SCLT1: variants seen among roughly 807,000 people sequenced by gnomAD.
The protein encoded by SCLT1 is sodium channel and clathrin linker 1.
In SCLT1, 78 loss-of-function variants were observed where a neutral mutation model predicts 112.8. The observed-to-expected ratio is 0.69, with a 90% confidence interval of 0.58 to 0.83. SCLT1 has a LOEUF of 0.83. Among genes scored for constraint, SCLT1 ranks in the 40% least tolerant of loss-of-function variants. SCLT1 has a pLI of 0.00. For synonymous variants in SCLT1, 257 were observed against 254.7 expected (o/e 1.01, Z -0.09); for missense variants, 747 against 770.4 (o/e 0.97, Z 0.36).
chr4:128,992,365 G>A (rs946057190), intron 8 of SCLT1, 128 bp from the exon 9 acceptor site: 9 of 576,292 alleles, frequency 1.6e-5, no homozygotes, highest in Non-Finnish European at 2.3e-5. Flanking sequence ...ATTTTTTGAG[G>A]GTAAAACATA....
chr4:129,063,942 G>A (rs190307903), intron 2 of SCLT1, among the ~76,000 whole-genome samples: 84 of 152,278 alleles, frequency 5.5e-4, no homozygotes, highest in African/African-American at 1.9e-3. Context: ...TCTTGGAACC[G>A]AGCTGTGCCA....
At chr4:128,897,462 C>A (rs534363127) in intron 18 of SCLT1, among the ~76,000 whole-genome samples, 86 of 140,748 alleles carry the variant, frequency 6.1e-4, no homozygotes, top group Non-Finnish European at 1.0e-3. Flanking sequence ...CCTTTACAGA[C>A]AAGCAAATGC....
At chr4:129,001,258 T>C (rs1743456251) in intron 6 of SCLT1, among the ~76,000 whole-genome samples, 1 of 145,396 alleles carries the variant, frequency 6.9e-6, no homozygotes, top group Non-Finnish European at 1.5e-5. Context: ...ATCAGCATCA[T>C]CAGCAACACC....
chr4:128,950,161 A>C (rs1211204226), intron 14 of SCLT1, among the ~76,000 whole-genome samples: 1 of 152,160 alleles, frequency 6.6e-6, no homozygotes, highest in Non-Finnish European at 1.5e-5. Context: ...AGGAGAGGGT[A>C]GTTTCAGTGC....
In SCLT1 at chr4:128,943,133, A is replaced by G. The variant is rs750172070; in HGVS notation, c.1495T>C (p.Leu499=). 3.1e-6 allele frequency: 5 copies of G among 1,612,172 alleles called. No individual in the cohort carries two copies. Among genetic ancestry groups the G allele is most frequent in the South Asian group, 2.2e-5 (2 of 90,788 alleles). Residue 499 remains leucine (L), a synonymous_variant, in exon 17 of 21, where the codon TTG becomes CTG. Transcript: ENST00000281142. ...QEMIQKLQNV[L]ESERENCGLV... ...CCACAGTTCTCTCTCTCAGACTCCA[A>G]TACATTTTGAAGTTTCTGAATCATT...
At chr4:128,982,095 A>T (rs1171392341) in intron 9 of SCLT1, among the ~76,000 whole-genome samples, 1 of 152,210 alleles carries the variant, frequency 6.6e-6, no homozygotes, top group Admixed American at 6.5e-5. Flanking sequence ...GATGTCTCCT[A>T]GTTTTCTGAA....
intron 18 of SCLT1, among the ~76,000 whole-genome samples, chr4:128,902,345 C>T (rs1430844340): frequency 6.6e-6 from 1 of 152,148 alleles, no homozygotes; most frequent in Non-Finnish European, 1.5e-5. Flanking sequence ...TGTATGAACA[C>T]CACAGAGTTT....
At chr4:128,924,412 G>T (rs1736133304) in intron 18 of SCLT1, among the ~76,000 whole-genome samples, 3 of 151,990 alleles carry the variant, frequency 2.0e-5, no homozygotes, top group Non-Finnish European at 4.4e-5. Context: ...GGGATTACAA[G>T]TGTGGGCCAC....
chr4:128,959,876 C>T (rs952166660), intron 11 of SCLT1, 99 bp from the exon 12 acceptor site: 4 of 846,344 alleles, frequency 4.7e-6, no homozygotes, highest in African/African-American at 3.4e-5. Flanking sequence ...ATGCCAGTAA[C>T]TTTCACATGT....
At chr4:129,091,944 C>G (rs1752862653) in intron 1 of SCLT1, among the ~76,000 whole-genome samples, 1 of 152,182 alleles carries the variant, frequency 6.6e-6, no homozygotes, top group Admixed American at 6.5e-5. Context: ...TTTTTCCTAA[C>G]TTCCCCGTTG....
intron 20 of SCLT1, among the ~76,000 whole-genome samples, chr4:128,886,677 G>A (rs1579280343): frequency 1.3e-5 from 2 of 152,102 alleles, no homozygotes; most frequent in Non-Finnish European, 2.9e-5. Flanking sequence ...AGAACAATTC[G>A]TGAAGTGGTT....
At chr4:128,912,045 G>C (rs318539) in intron 18 of SCLT1, among the ~76,000 whole-genome samples, 107,866 of 152,112 alleles carry the variant, frequency 0.71, 38,365 homozygotes, top group African/African-American at 0.76. Flanking sequence ...AACCTGAAAA[G>C]GCTCACTTTT....
At chr4:129,050,022 G>A (rs1189416012) in intron 2 of SCLT1, among the ~76,000 whole-genome samples, 6 of 152,062 alleles carry the variant, frequency 3.9e-5, no homozygotes, top group Admixed American at 6.6e-5. Flanking sequence ...AGTTTGCTGA[G>A]GAGAATGCTT....
chr4:128,924,967 T>C (rs948951204), intron 18 of SCLT1, among the ~76,000 whole-genome samples: 21 of 152,078 alleles, frequency 1.4e-4, no homozygotes, highest in African/African-American at 5.1e-4. Context: ...CTCACTCCTC[T>C]CTCCTCACTC....
chr4:129,079,576 T>G (rs1751756956), intron 2 of SCLT1, among the ~76,000 whole-genome samples: 1 of 152,216 alleles, frequency 6.6e-6, no homozygotes, highest in East Asian at 1.9e-4. Context: ...CTGCCTCTGT[T>G]GCTCTGCAGG....
intron 14 of SCLT1, chr4:128,952,331 T>A (rs758311214): frequency 2.4e-5 from 11 of 457,208 alleles, no homozygotes; most frequent in South Asian, 1.7e-4. Context: ...AAACTTCTAT[T>A]TCCAATCTCA....
chr4:128,966,334 G>A (rs1256922836), intron 10 of SCLT1, among the ~76,000 whole-genome samples: 3 of 151,986 alleles, frequency 2.0e-5, no homozygotes, highest in Non-Finnish European at 4.4e-5. Flanking sequence ...AGTGGTTGCT[G>A]TAGAGATTAC....
intron 13 of SCLT1, 26 bp from the exon 14 acceptor site, chr4:128,952,866 A>C: frequency 9.0e-7 from 1 of 1,117,052 alleles, no homozygotes; most frequent in Non-Finnish European, 1.4e-6. Context: ...TTTACTCATT[A>C]TTTGGTTCTA....
Position 129,043,392 on chromosome 4 carries a change from T to C in SCLT1, c.234+3A>G, listed in dbSNP as rs758031094. The C allele has an allele frequency of 1.4e-6, 2 of 1,405,046 alleles. No individual in the cohort carries two copies. The highest frequency in any genetic ancestry group is 1.0e-6 in the Non-Finnish European group (1 of 1,000,738). The allele number at this position is 1,405,046 out of a possible 1,614,324, so 87.0% of individuals were successfully genotyped here. ...CAAAAGCCTCATAACTATGATTTCA[T>C]ACCTGGTAATATTTCAGCTGCCCAT... On this transcript the variant is annotated splice_donor_region_variant and intron_variant, in intron 4 of 20. Transcript: ENST00000281142.
Sources: allele counts gnomAD v4.1 joint callset (sites outside exome capture counted in the v4.1 genomes callset), GRCh38; gene constraint gnomAD v4.1.1; transcripts MANE v1.5; gene names NCBI Gene and HGNC (gene_info 2026-07-23, HGNC 2026-07-21).